TFAP2A: variants seen among roughly 807,000 people sequenced by gnomAD.
TFAP2A encodes the protein transcription factor AP-2 alpha, also known as transcription factor AP-2-alpha.
Under a neutral mutation model 41.5 loss-of-function variants are expected in TFAP2A, and 7 were observed. That is an observed-to-expected ratio of 0.17 (90% CI 0.10 to 0.32). The LOEUF (loss-of-function observed/expected upper bound fraction) is 0.32, where lower values mean the gene tolerates loss of function less well. Ranked by LOEUF, TFAP2A falls within the 10% of genes least tolerant of loss-of-function variation. The probability of loss-of-function intolerance (pLI) is 1.00; values close to 1 mark genes in which losing one functional copy is unlikely to be tolerated. For missense variants in TFAP2A, 416 were observed against 563.3 expected, an observed-to-expected ratio of 0.74 and a Z score of 2.65; for synonymous variants, 247 against 242.8, an observed-to-expected ratio of 1.02 and a Z score of -0.16.
At chr6:10,405,971 G>A (rs763000149) in intron 3 of TFAP2A, 2 of 152,162 alleles carry the variant, frequency 1.3e-5, no homozygotes, top group African/African-American at 2.4e-5. Context: ...ACGTGACAAA[G>A]ACTTCACAGA....
At chr6:10,405,013 G>C (rs554868994) in intron 3 of TFAP2A, 2 of 547,508 alleles carry the variant, frequency 3.7e-6, no homozygotes, top group Admixed American at 3.1e-5. Flanking sequence ...TCGCCGTCAA[G>C]GGTGCTCTCT....
chr6:10,397,772 C>A lies in TFAP2A; in HGVS notation c.*645G>T. ...CTGATTCCCTTATATAACTGCGAAT[C>A]GTGTTGCCAGAGAAAGTTCAAGTTG... On this transcript the variant is annotated 3_prime_UTR_variant, in exon 7 of 7. Transcript: ENST00000379613. The A allele has an allele frequency of 1.3e-6, 1 of 758,556 alleles. No homozygotes were observed. Among genetic ancestry groups the A allele is most frequent in the Non-Finnish European group, 1.6e-6 (1 of 623,034 alleles). The allele number at this position is 758,556 out of a possible 1,614,324, so 47.0% of individuals were successfully genotyped here. A position where few individuals can be genotyped will look rare whatever the true frequency, so the allele number is the denominator to read the frequency against.
intron 4 of TFAP2A, among the ~76,000 whole-genome samples, chr6:10,402,922 T>TA (rs1221346585): frequency 1.3e-5 from 2 of 152,256 alleles, no homozygotes; most frequent in East Asian, 3.8e-4. Flanking sequence ...TTTGAGGTAT[T>TA]GAGTTCAACT....
At position 10,398,036 on chromosome 6, in the gene TFAP2A, TTTAA is replaced by T; in HGVS notation, c.*377_*380del. ...TTCACTTTTTTTTTAGAAAAAAGTT[TTTAA>T]TTTTTGTTGTTGTTGTTGCTGTTGT... On this transcript the variant is annotated 3_prime_UTR_variant, in exon 7 of 7. Transcript: ENST00000379613. This position sits in a 1 kb window ranked among gnomAD's most constrained non-coding sequence, Gnocchi z 5.3. 4 of 1,078,058 alleles carry T rather than the reference TTTAA, an allele frequency of 3.7e-6. No homozygotes were observed. Among genetic ancestry groups the T allele is most frequent in the Non-Finnish European group, 4.5e-6 (4 of 888,304 alleles). The allele number at this position is 1,078,058 out of a possible 1,614,324, so 66.8% of individuals were successfully genotyped here.
rs1034416392 is a variant in TFAP2A, at chr6:10,411,718, G to C, written c.52-1383C>G. The C allele has an allele frequency of 5.8e-6, 9 of 1,557,766 alleles. No homozygotes were observed. In the African/African-American group the frequency reaches 8.2e-5, roughly 14 times the overall value. Reference sequence around the variant, plus strand: ...GCGCCGAGAGCCCCGCGCCACCCAGGACTCCAGTCACGGCGCCGACGCTCC... The same window carrying C: ...GCGCCGAGAGCCCCGCGCCACCCAGCACTCCAGTCACGGCGCCGACGCTCC... On this transcript the variant is annotated intron_variant, in intron 1 of 6. Coordinates refer to ENST00000379613, the MANE Select transcript of TFAP2A (RefSeq NM_001372066.1).
intron 4 of TFAP2A, among the ~76,000 whole-genome samples, chr6:10,404,253 G>C (rs776679888): frequency 2.0e-5 from 3 of 152,176 alleles, no homozygotes; most frequent in Admixed American, 6.5e-5. Flanking sequence ...GCGAGCGCGC[G>C]GCAGCGAACG....
chr6:10,415,060 A>G lies in TFAP2A; in HGVS notation c.-69T>C, dbSNP rs1048362611. ...GTGGAGCTACTCTCTGGGTGAGCGC[A>G]AAGTGCTGGCTGCCGGCGGTGAGCG... On this transcript the variant is annotated 5_prime_UTR_variant, in exon 1 of 7. Transcript: ENST00000379613. The G allele has an allele frequency of 6.2e-7, 1 of 1,613,542 alleles. No individual in the cohort carries two copies. Among genetic ancestry groups the G allele is most frequent in the African/African-American group, 1.3e-5 (1 of 74,818 alleles).
chr6:10,404,790 A>C, intron 3 of TFAP2A, 51 bp from the exon 4 acceptor site: 1 of 1,541,740 alleles, frequency 6.5e-7, no homozygotes, highest in Non-Finnish European at 8.9e-7. Flanking sequence ...ATCACCCCCA[A>C]ATCCTGCCCG....
chr6:10,398,357 C>T lies in TFAP2A; in HGVS notation c.*60G>A. The T allele has an allele frequency of 3.9e-6, 5 of 1,275,610 alleles. No homozygotes were observed. The highest frequency in any genetic ancestry group is 1.3e-5 in the South Asian group (1 of 79,474). The allele number at this position is 1,275,610 out of a possible 1,614,324, so 79.0% of individuals were successfully genotyped here. A position where few individuals can be genotyped will look rare whatever the true frequency, so the allele number is the denominator to read the frequency against. ...TGCTGATCCCGGAGCTGTCACCCGC[C>T]GGAGGGTGGGCGCGCGGGGGGCTGG... On this transcript the variant is annotated 3_prime_UTR_variant, in exon 7 of 7. Coordinates refer to ENST00000379613, the MANE Select transcript of TFAP2A (RefSeq NM_001372066.1). This position sits in a 1 kb window ranked among gnomAD's most constrained non-coding sequence, Gnocchi z 5.3.
chr6:10,410,123 G>A lies in TFAP2A; in HGVS notation c.264C>T (p.His88=), dbSNP rs545067807. Residue 88 remains histidine, a synonymous_variant, in exon 2 of 7, where the codon CAC becomes CAT. Coordinates refer to ENST00000379613, the MANE Select transcript of TFAP2A (RefSeq NM_001372066.1). ...CTGGGTGCTGCGGCTGCGGCTGGGC[G>A]TGCAGGGGGTTCAGGCTGTAGGGGT... is the stretch of plus-strand genomic sequence containing the variant. ...VNDPYSLNPL[H]AQPQPQHPGW... 37 of 1,612,614 alleles carry A rather than the reference G, an allele frequency of 2.3e-5. 1 individual carries two copies. In the Middle Eastern group the frequency reaches 1.8e-3, roughly 79 times the overall value.
intron 5 of TFAP2A, 93 bp from the exon 6 acceptor site, chr6:10,400,682 C>A (rs1581258005): frequency 1.4e-6 from 2 of 1,424,668 alleles, no homozygotes; most frequent in Non-Finnish European, 2.0e-6. Flanking sequence ...ATTCCCTTCA[C>A]CCCAGATGTT....
chr6:10,403,989 A>C (rs1365328457), intron 4 of TFAP2A, among the ~76,000 whole-genome samples: 2 of 152,230 alleles, frequency 1.3e-5, no homozygotes, highest in Non-Finnish European at 2.9e-5. Context: ...TCAAGAGGAC[A>C]ACCATTCTCT....
intron 2 of TFAP2A, 87 bp from the exon 3 acceptor site, chr6:10,406,931 G>T: frequency 1.9e-6 from 2 of 1,056,744 alleles, no homozygotes; most frequent in Non-Finnish European, 3.0e-6. Context: ...GGAGGGGAAG[G>T]TGTAGAATCA....
At position 10,415,064 on chromosome 6, in the gene TFAP2A, T is replaced by G; in HGVS notation, c.-73A>C. On this transcript the variant is annotated 5_prime_UTR_variant, in exon 1 of 7. Transcript: ENST00000379613. ...AGCTACTCTCTGGGTGAGCGCAAAGTGCTGGCTGCCGGCGGTGAGCGCAGG... is the reference window on the plus strand; with the variant it reads ...AGCTACTCTCTGGGTGAGCGCAAAGGGCTGGCTGCCGGCGGTGAGCGCAGG... The G allele has an allele frequency of 6.2e-7, 1 of 1,613,072 alleles. No individual in the cohort carries two copies. Among genetic ancestry groups the G allele is most frequent in the Non-Finnish European group, 8.5e-7 (1 of 1,179,826 alleles).
chr6:10,406,906 C>A lies in TFAP2A; in HGVS notation c.487-62G>T, dbSNP rs1214937666. On this transcript the variant is annotated intron_variant, in intron 2 of 6. Coordinates refer to ENST00000379613, the MANE Select transcript of TFAP2A (RefSeq NM_001372066.1). ...ATCAAAACAAAAGGAAATGAATATT[C>A]CCTGCAAGATGGGAGGAGGGGAAGG... 3 of 1,286,962 alleles carry A rather than the reference C, an allele frequency of 2.3e-6. No homozygotes were observed. The African/African-American group carries it at 4.4e-5, about 19-fold the overall frequency. The allele number at this position is 1,286,962 out of a possible 1,614,324, so 79.7% of individuals were successfully genotyped here.
In TFAP2A at chr6:10,398,097, T is replaced by A; in HGVS notation, c.*320A>T. ...GTTGTTTTGTTTAAAAAAAAAAGGG[T>A]TCACAAACTTGGCAGAACTTTTCTC... is the stretch of plus-strand genomic sequence containing the variant. On this transcript the variant is annotated 3_prime_UTR_variant, in exon 7 of 7. Coordinates refer to ENST00000379613, the MANE Select transcript of TFAP2A (RefSeq NM_001372066.1). This position sits in a 1 kb window ranked among gnomAD's most constrained non-coding sequence, Gnocchi z 5.3. 8.2e-7 allele frequency: 1 copy of A among 1,220,066 alleles called. No homozygotes were observed. The highest frequency in any genetic ancestry group is 1.0e-6 in the Non-Finnish European group (1 of 979,484). The allele number at this position is 1,220,066 out of a possible 1,614,324, so 75.6% of individuals were successfully genotyped here.
At chr6:10,403,658 C>T (rs1561707893) in intron 4 of TFAP2A, among the ~76,000 whole-genome samples, 1 of 152,174 alleles carries the variant, frequency 6.6e-6, no homozygotes, top group Non-Finnish European at 1.5e-5. Context: ...CAACTCACAA[C>T]GTGCAGTGGA....
In TFAP2A at chr6:10,414,437, C is replaced by T. The variant is rs79770192; in HGVS notation, c.51+504G>A. On this transcript the variant is annotated intron_variant, in intron 1 of 6. Coordinates refer to ENST00000379613, the MANE Select transcript of TFAP2A (RefSeq NM_001372066.1). ...GTCTCTAAAGCCGAGAAGGGAACCGCTTTAGAAGTGGGGGTGGGGGGAAGA... is the reference window on the plus strand; with the variant it reads ...GTCTCTAAAGCCGAGAAGGGAACCGTTTTAGAAGTGGGGGTGGGGGGAAGA... 965 of 265,566 alleles carry T rather than the reference C, an allele frequency of 3.6e-3. 10 individuals carry two copies. The highest frequency in any genetic ancestry group is 0.021 in the African/African-American group (925 of 44,150). 16.5% of individuals were successfully genotyped at this position (265,566 alleles called of 1,614,324 possible).
At position 10,398,472 on chromosome 6, in the gene TFAP2A, C is replaced by T. The variant is rs772175937; in HGVS notation, c.1265G>A (p.Ser422Asn). 6.2e-7 allele frequency: 1 copy of T among 1,614,194 alleles called. No individual in the cohort carries two copies. The highest frequency in any genetic ancestry group is 8.5e-7 in the Non-Finnish European group (1 of 1,180,044). Residue 422 changes from serine to asparagine, a missense_variant, in exon 7 of 7, where the codon AGC (serine) becomes AAC (asparagine). Ser to Asn is a conservative substitution (Grantham distance 46, BLOSUM62 1). Transcript: ENST00000379613. The surrounding 1 kb of genome is among the most constrained non-coding windows in gnomAD (Gnocchi z 5.3). ...GCTTTTGGCGTTGTTGTCCGTGTGG[C>T]TGTTGGGGTTGTTGCTGAGGTACAT... ...DKMYLSNNPNSHTDNNAKSSD... is the reference protein window; with the variant it reads ...DKMYLSNNPNNHTDNNAKSSD...
Sources: allele counts gnomAD v4.1 joint callset (sites outside exome capture counted in the v4.1 genomes callset), GRCh38; gene constraint gnomAD v4.1.1; non-coding constraint Gnocchi (gnomAD v3.1); transcripts MANE v1.5; gene names NCBI Gene and HGNC (gene_info 2026-07-23, HGNC 2026-07-21).